The following GTF2F2 variants were observed in gnomAD, a reference collection of about 807,000 sequenced individuals.
GTF2F2 encodes the protein ATP-dependent helicase GTF2F2.
In GTF2F2, 23 loss-of-function variants were observed where a neutral mutation model predicts 42.2. The ratio of observed to expected loss-of-function variants is 0.55; its 90% CI spans 0.39 to 0.77. GTF2F2 has a LOEUF of 0.77. GTF2F2 is among the 30% of genes least tolerant of loss of function. GTF2F2 has a pLI of 0.00. For missense variants in GTF2F2, 261 were observed against 287.2 expected, an observed-to-expected ratio of 0.91 and a Z score of 0.66; for synonymous variants, 105 against 100.8, an observed-to-expected ratio of 1.04 and a Z score of -0.25.
At chr13:45,276,733 G>A (rs1387996913) in intron 7 of GTF2F2, among the ~76,000 whole-genome samples, 1 of 152,110 alleles carries the variant, frequency 6.6e-6, no homozygotes, top group Non-Finnish European at 1.5e-5. Context: ...GAGCCACCGC[G>A]CCCGGCCTAA....
chr13:45,191,043 T>A (rs1872596057), intron 4 of GTF2F2, among the ~76,000 whole-genome samples: 3 of 151,358 alleles, frequency 2.0e-5, no homozygotes, highest in African/African-American at 7.3e-5. Flanking sequence ...GTGTTTCATT[T>A]GTTCTGTATA....
At chr13:45,260,414 C>A (rs1281083759) in intron 6 of GTF2F2, among the ~76,000 whole-genome samples, 2 of 152,088 alleles carry the variant, frequency 1.3e-5, no homozygotes, top group African/African-American at 4.8e-5. Flanking sequence ...GAGATAATGA[C>A]ACACTAGGCA....
At chr13:45,260,999 G>A (rs879783464) in intron 6 of GTF2F2, among the ~76,000 whole-genome samples, 2 of 152,140 alleles carry the variant, frequency 1.3e-5, no homozygotes, top group East Asian at 1.9e-4. Flanking sequence ...GGTTGCACAC[G>A]CCTGTAATCT....
intron 4 of GTF2F2, among the ~76,000 whole-genome samples, chr13:45,156,039 A>G (rs1221225393): frequency 6.6e-6 from 1 of 151,732 alleles, no homozygotes; most frequent in Admixed American, 6.6e-5. Flanking sequence ...GGCCCAAGTG[A>G]TCCTCCCACC....
intron 4 of GTF2F2, among the ~76,000 whole-genome samples, chr13:45,157,602 T>C (rs1453498442): frequency 6.6e-6 from 1 of 152,146 alleles, no homozygotes; most frequent in Non-Finnish European, 1.5e-5. Flanking sequence ...TTTATATCTT[T>C]AGTTGTGTTA....
chr13:45,172,026 T>G (rs1196060790), intron 4 of GTF2F2, among the ~76,000 whole-genome samples: 1 of 152,196 alleles, frequency 6.6e-6, no homozygotes, highest in Non-Finnish European at 1.5e-5. Context: ...TTGTTTCCGT[T>G]TTTTTGGCTA....
intron 7 of GTF2F2, among the ~76,000 whole-genome samples, chr13:45,267,758 G>A (rs1271912179): frequency 6.8e-6 from 1 of 146,126 alleles, no homozygotes; most frequent in Non-Finnish European, 1.5e-5. Context: ...GAATTATACT[G>A]TTTTGTCATT....
At chr13:45,151,491 G>A (rs543020068) in intron 3 of GTF2F2, among the ~76,000 whole-genome samples, 196 bp from the exon 4 acceptor site, 25 of 152,058 alleles carry the variant, frequency 1.6e-4, no homozygotes, top group African/African-American at 2.7e-4. Context: ...CCCAAGTAGC[G>A]GGGATTATAG....
intron 5 of GTF2F2, among the ~76,000 whole-genome samples, chr13:45,212,560 C>T (rs1313170120): frequency 2.0e-5 from 3 of 146,620 alleles, no homozygotes; most frequent in Non-Finnish European, 4.5e-5. Flanking sequence ...CTCTTTCTCT[C>T]TTTCTTTCTT....
rs1876731327 is a variant in GTF2F2, at chr13:45,270,196, CTT to C, written c.630+2821_630+2822del. Among the ~76,000 whole-genome samples the C allele has an allele frequency of 2.0e-5, 3 of 152,104 alleles. No individual in the cohort carries two copies. In the South Asian group the frequency reaches 6.2e-4, roughly 31 times the overall value. ...CTTTGCTTAGGGCCCGTCTTTTTCT[CTT>C]GTTTGCCAGTATGTGACTTACATAA... On this transcript the variant is annotated intron_variant, in intron 7 of 7. Coordinates refer to ENST00000340473, the MANE Select transcript of GTF2F2 (RefSeq NM_004128.3).
intron 4 of GTF2F2, among the ~76,000 whole-genome samples, chr13:45,155,565 A>G (rs575309349): frequency 6.6e-6 from 1 of 152,352 alleles, no homozygotes; most frequent in Admixed American, 6.5e-5. Flanking sequence ...AGAGCGAATT[A>G]GAGGAGACTA....
In GTF2F2 at chr13:45,120,597, A is replaced by T. The variant is rs1186842420; in HGVS notation, c.-59A>T. ...CCTTTGTTCCGGACGCCCGCTCCTC[A>T]GCCCTGCGGCTCCTGGGGTCGCTGC... On this transcript the variant is annotated 5_prime_UTR_variant, in exon 1 of 8. Transcript: ENST00000340473. The T allele has an allele frequency of 1.7e-5, 22 of 1,303,530 alleles. No individual in the cohort carries two copies. Among genetic ancestry groups the T allele is most frequent in the Non-Finnish European group, 2.4e-5 (22 of 922,656 alleles). The allele number at this position is 1,303,530 out of a possible 1,614,324, so 80.7% of individuals were successfully genotyped here. A position where few individuals can be genotyped will look rare whatever the true frequency, so the allele number is the denominator to read the frequency against.
intron 5 of GTF2F2, among the ~76,000 whole-genome samples, chr13:45,235,561 T>G (rs1874926984): frequency 6.6e-6 from 1 of 151,942 alleles, no homozygotes; most frequent in East Asian, 1.9e-4. Context: ...AAGTAAAATT[T>G]GAAATTATGT....
chr13:45,225,627 A>AAAT (rs1420571100), intron 5 of GTF2F2, among the ~76,000 whole-genome samples: 1 of 151,890 alleles, frequency 6.6e-6, no homozygotes, highest in African/African-American at 2.4e-5. Context: ...AAAAAAAAAA[A>AAAT]AAAAGAATAG....
intron 7 of GTF2F2, among the ~76,000 whole-genome samples, chr13:45,278,816 CTTTTTTT>C (rs1157972776): frequency 3.0e-3 from 190 of 62,316 alleles, no homozygotes; most frequent in Middle Eastern, 0.028. Context: ...TTTTCTTTTT[CTTTTTTT>C]TTTTTTTTTT....
intron 6 of GTF2F2, among the ~76,000 whole-genome samples, chr13:45,264,611 C>T (rs1042445636): frequency 6.6e-6 from 1 of 152,136 alleles, no homozygotes; most frequent in African/African-American, 2.4e-5. Context: ...CGGTAATTTT[C>T]TTACTACTCA....
chr13:45,168,733 C>T (rs1871423777), intron 4 of GTF2F2, among the ~76,000 whole-genome samples: 1 of 152,094 alleles, frequency 6.6e-6, no homozygotes, highest in Admixed American at 6.5e-5. Context: ...CCACCTCAGC[C>T]TCCTGAGTAG....
chr13:45,267,719 T>C (rs772404619), intron 7 of GTF2F2, among the ~76,000 whole-genome samples: 1 of 152,076 alleles, frequency 6.6e-6, no homozygotes, highest in African/African-American at 2.4e-5. Context: ...TTGGAAAACA[T>C]GCCTCATAGA....
chr13:45,148,700 G>A (rs979876427), intron 2 of GTF2F2, among the ~76,000 whole-genome samples: 2 of 152,086 alleles, frequency 1.3e-5, no homozygotes, highest in African/African-American at 4.8e-5. Context: ...TGCTGGCTGG[G>A]ACAGGGTTAA....
Sources: gnomAD v4.1 joint callset for allele counts (sites outside exome capture counted in the v4.1 genomes callset) on GRCh38, gnomAD v4.1.1 for gene constraint, MANE v1.5 for transcripts, NCBI Gene and HGNC (gene_info 2026-07-23, HGNC 2026-07-21) for gene names.